Variants in RANBP3L observed in about 807,000 individuals in gnomAD.
The protein encoded by RANBP3L is RAN binding protein 3 like.
RANBP3L carries 56 observed loss-of-function variants against 67.2 expected under a neutral mutation model. The observed-to-expected ratio is 0.83, with a 90% CI of 0.67 to 1.04. RANBP3L has a LOEUF of 1.04. Among genes scored for constraint, RANBP3L ranks in the 50% least tolerant of loss-of-function variants. The pLI is 0.00. For missense variants in RANBP3L, 496 were observed against 535.5 expected, an observed-to-expected ratio of 0.93 and a Z score of 0.73; for synonymous variants, 164 against 181.4, an observed-to-expected ratio of 0.90 and a Z score of 0.77.
chr5:36,250,306 G>T (rs750866945), intron 13 of RANBP3L, among the ~76,000 whole-genome samples: 1 of 151,706 alleles, frequency 6.6e-6, no homozygotes, highest in African/African-American at 2.4e-5. Flanking sequence ...TTGTTTAATA[G>T]ATTTGCTTAA....
chr5:36,299,019 A>C (rs934737978), intron 1 of RANBP3L, among the ~76,000 whole-genome samples: 1 of 152,100 alleles, frequency 6.6e-6, no homozygotes, highest in African/African-American at 2.4e-5. Context: ...GGGCTGGGGA[A>C]GGCAGATCCA....
chr5:36,293,605 G>A (rs1751965779), intron 1 of RANBP3L, among the ~76,000 whole-genome samples: 1 of 15,624 alleles, frequency 6.4e-5, no homozygotes, highest in African/African-American at 1.8e-4. Context: ...AGAGTTTTTA[G>A]CATGAAGGTT....
intron 1 of RANBP3L, among the ~76,000 whole-genome samples, chr5:36,280,030 C>T (rs1389923645): frequency 6.6e-6 from 1 of 152,140 alleles, no homozygotes; most frequent in African/African-American, 2.4e-5. Flanking sequence ...TTATCCAGAG[C>T]TTTGTCTAAT....
At chr5:36,296,390 G>A (rs766225769) in intron 1 of RANBP3L, among the ~76,000 whole-genome samples, 3 of 152,052 alleles carry the variant, frequency 2.0e-5, no homozygotes, top group Admixed American at 2.0e-4. Flanking sequence ...TGAATTGTAC[G>A]ACACTCAGAG....
intron 13 of RANBP3L, among the ~76,000 whole-genome samples, chr5:36,250,937 T>C (rs1748545378): frequency 6.6e-6 from 1 of 152,088 alleles, no homozygotes; most frequent in African/African-American, 2.4e-5. Context: ...ATTTTCAGGG[T>C]ATCAAGCCAA....
intron 5 of RANBP3L, 38 bp from the exon 6 acceptor site, chr5:36,265,136 C>T: frequency 7.7e-7 from 1 of 1,300,200 alleles, no homozygotes; most frequent in South Asian, 1.4e-5. Flanking sequence ...TATATGTTTA[C>T]TGAAATATTC....
chr5:36,253,562 A>T (rs1251457958), intron 12 of RANBP3L, 85 bp downstream of exon 12: 3 of 1,095,938 alleles, frequency 2.7e-6, no homozygotes, highest in Non-Finnish European at 4.1e-6. Flanking sequence ...ACAGATTATT[A>T]TACCTAATGA....
At chr5:36,301,272 T>C (rs884693) in intron 1 of RANBP3L, 54 bp downstream of exon 1, 307,253 of 1,330,570 alleles carry the variant, frequency 0.23, 40,986 homozygotes, top group African/African-American at 0.46. Flanking sequence ...CTTCCTGGAA[T>C]GCAAATGCAC....
chr5:36,260,321 A>G (rs1749283376), intron 8 of RANBP3L, among the ~76,000 whole-genome samples: 1 of 142,376 alleles, frequency 7.0e-6, no homozygotes, highest in African/African-American at 2.5e-5. Flanking sequence ...AGATCGGACC[A>G]CTGCACTCCA....
At chr5:36,251,759 A>G (rs1331756540) in intron 12 of RANBP3L, among the ~76,000 whole-genome samples, 1 of 152,148 alleles carries the variant, frequency 6.6e-6, no homozygotes, top group African/African-American at 2.4e-5. Context: ...TAAAATTTCT[A>G]TTTGAATTTT....
At chr5:36,298,159 G>C (rs1300443760) in intron 1 of RANBP3L, among the ~76,000 whole-genome samples, 1 of 151,874 alleles carries the variant, frequency 6.6e-6, no homozygotes, top group Admixed American at 6.6e-5. Flanking sequence ...AATTAGCCAG[G>C]CATGGTGGAG....
intron 8 of RANBP3L, among the ~76,000 whole-genome samples, chr5:36,257,808 G>A (rs111728311): frequency 0.023 from 3,530 of 152,092 alleles, 163 homozygotes; most frequent in South Asian, 0.2. Flanking sequence ...AGTCCCGGAG[G>A]CAATGGGAAA....
At chr5:36,292,924 C>T (rs907222552) in intron 1 of RANBP3L, among the ~76,000 whole-genome samples, 2 of 148,352 alleles carry the variant, frequency 1.3e-5, no homozygotes, top group South Asian at 4.3e-4. Flanking sequence ...GTAGTTTTTT[C>T]CAATTCTGTG....
At chr5:36,279,602 G>C (rs568911525) in intron 1 of RANBP3L, among the ~76,000 whole-genome samples, 1 of 152,232 alleles carries the variant, frequency 6.6e-6, no homozygotes, top group South Asian at 2.1e-4. Flanking sequence ...AAGATGAATG[G>C]ATCCTGCTGA....
At chr5:36,271,029 G>A (rs931770102) in intron 2 of RANBP3L, among the ~76,000 whole-genome samples, 5 of 152,040 alleles carry the variant, frequency 3.3e-5, no homozygotes, top group African/African-American at 1.2e-4. Context: ...TTACCATAGC[G>A]AAACAGTATG....
At chr5:36,252,795 C>T (rs1748688755) in intron 12 of RANBP3L, among the ~76,000 whole-genome samples, 1 of 152,070 alleles carries the variant, frequency 6.6e-6, no homozygotes, top group African/African-American at 2.4e-5. Context: ...GTTTGTACAT[C>T]ATCTTACCAG....
Position 36,264,966 on chromosome 5 carries a change from T to C in RANBP3L, c.473A>G (p.Asn158Ser). 6.2e-7 allele frequency: 1 copy of C among 1,612,132 alleles called. No individual in the cohort carries two copies. Among genetic ancestry groups the C allele is most frequent in the Non-Finnish European group, 8.5e-7 (1 of 1,179,442 alleles). ...LESCKTKEKTNNKISEGNSYL... is the reference protein window; with the variant it reads ...LESCKTKEKTSNKISEGNSYL... ...TATCCTGGGCTTTCTCACCTTATTA[T>C]TTGTTTTTTCTTTAGTCTTGCAAGA... The change falls in exon 6 of 14, where the codon AAT becomes AGT. Residue 158 changes from asparagine to serine, a missense_variant. Coordinates refer to ENST00000296604, the MANE Select transcript of RANBP3L (RefSeq NM_145000.5).
Position 36,247,010 on chromosome 5 carries a change from A to G in RANBP3L, c.*2644T>C, listed in dbSNP as rs957211661. 6.6e-5 allele frequency among the ~76,000 whole-genome samples: 10 copies of G among 152,234 alleles called. No homozygotes were observed. The highest frequency in any genetic ancestry group is 1.5e-4 in the Non-Finnish European group (10 of 68,044). Reference sequence around the variant, plus strand: ...TTAAGGTTGTCTTAACACAAGATATATAATGACATAAATTAGTTAATTAAA... The same window carrying G: ...TTAAGGTTGTCTTAACACAAGATATGTAATGACATAAATTAGTTAATTAAA... On this transcript the variant is annotated 3_prime_UTR_variant, in exon 14 of 14. Transcript: ENST00000296604.
rs115362924 is a variant in RANBP3L, at chr5:36,255,630, T to C, written c.904-40A>G. 7.4e-4 allele frequency: 1,114 copies of C among 1,505,356 alleles called. 10 individuals are homozygous for C. In the African/African-American group the frequency reaches 0.014, roughly 18 times the overall value. The allele number at this position is 1,505,356 out of a possible 1,614,324, so 93.2% of individuals were successfully genotyped here. A position where few individuals can be genotyped will look rare whatever the true frequency, so the allele number is the denominator to read the frequency against. ...TTTAAAATGTCAAATATATAGAAAA[T>C]TTTTTCAAAGTAAATTATTTCCTAT... On this transcript the variant is annotated intron_variant, in intron 10 of 13. Transcript: ENST00000296604.
Sources: gnomAD v4.1 joint callset for allele counts (sites outside exome capture counted in the v4.1 genomes callset) on GRCh38, gnomAD v4.1.1 for gene constraint, MANE v1.5 for transcripts, NCBI Gene and HGNC (gene_info 2026-07-23, HGNC 2026-07-21) for gene names.